The following NSUN6 variants were observed in gnomAD, a reference collection of about 807,000 sequenced individuals.
NSUN6 encodes NOP2/Sun RNA methyltransferase 6, also known as tRNA (cytosine(72)-C(5))-methyltransferase NSUN6.
In NSUN6, 64 loss-of-function variants were observed where a neutral mutation model predicts 58.0. The observed-to-expected ratio is 1.10, with a 90% CI of 0.90 to 1.36. NSUN6 has a LOEUF of 1.36. NSUN6 is among the 40% of genes most tolerant of loss of function. The pLI is 0.00. For synonymous variants in NSUN6, 231 were observed against 193.9 expected, an observed-to-expected ratio of 1.19 and a Z score of -1.59; for missense variants, 701 against 550.1, an observed-to-expected ratio of 1.27 and a Z score of -2.74.
chr10:18,619,881 G>C (rs11015184), intron 3 of NSUN6, among the ~76,000 whole-genome samples: 4,269 of 152,068 alleles, frequency 0.028, 194 homozygotes, highest in African/African-American at 0.097. Context: ...ACATGTCTGT[G>C]TGTGTGGTAT....
At chr10:18,589,651 C>A (rs2057304673) in intron 7 of NSUN6, among the ~76,000 whole-genome samples, 1 of 152,098 alleles carries the variant, frequency 6.6e-6, no homozygotes, top group South Asian at 2.1e-4. Context: ...TCACATCTAG[C>A]CAAATTAAGC....
intron 6 of NSUN6, among the ~76,000 whole-genome samples, chr10:18,601,878 G>A (rs941115487): frequency 2.6e-5 from 4 of 151,534 alleles, no homozygotes; most frequent in African/African-American, 9.7e-5. Flanking sequence ...GGAAGCTGAG[G>A]CAGGAGAACT....
chr10:18,596,548 T>C (rs1006789152), intron 6 of NSUN6, among the ~76,000 whole-genome samples: 7 of 152,264 alleles, frequency 4.6e-5, no homozygotes, highest in Middle Eastern at 3.4e-3. Flanking sequence ...CGCAAAAATA[T>C]ACATGACACA....
intron 5 of NSUN6, among the ~76,000 whole-genome samples, chr10:18,613,999 T>TA (rs1402106925): frequency 1.3e-5 from 2 of 152,172 alleles, no homozygotes; most frequent in Non-Finnish European, 2.9e-5. Flanking sequence ...TGAACAAACC[T>TA]AAACATTCAT....
rs745746962 is a variant in NSUN6, at chr10:18,548,175, G to A, written c.1134C>T (p.Ala378=). The A allele has an allele frequency of 5.0e-6, 8 of 1,613,518 alleles. No homozygotes were observed. The highest frequency in any genetic ancestry group is 1.7e-5 in the Admixed American group (1 of 59,934). The change falls in exon 10 of 11, where the codon GCC becomes GCT. Residue 378 remains alanine, a synonymous_variant. Coordinates refer to ENST00000377304, the MANE Select transcript of NSUN6 (RefSeq NM_182543.5). ...CCCAGGCAACCTGTTCTTCATTTTC[G>A]GCCAGTGTTATAGTGCACGTGCTAT... ...LVYSTCTITL[A]ENEEQVAWAL... is the part of the protein sequence containing the mutation.
At chr10:18,578,583 C>CA (rs2056770051) in intron 8 of NSUN6, among the ~76,000 whole-genome samples, 1 of 152,144 alleles carries the variant, frequency 6.6e-6, no homozygotes, top group African/African-American at 2.4e-5. Context: ...TACAGCCCCC[C>CA]AACATCAATT....
At chr10:18,631,138 A>G (rs1205333113) in intron 3 of NSUN6, among the ~76,000 whole-genome samples, 5 of 152,210 alleles carry the variant, frequency 3.3e-5, no homozygotes, top group African/African-American at 9.6e-5. Context: ...TATAAACAGA[A>G]CCAAAGACAA....
intron 7 of NSUN6, among the ~76,000 whole-genome samples, chr10:18,592,037 A>G (rs915222565): frequency 6.6e-6 from 1 of 152,212 alleles, no homozygotes; most frequent in African/African-American, 2.4e-5. Context: ...ATAAAAAATC[A>G]GTGTGCAAAA....
At chr10:18,628,025 A>G (rs1160518221) in intron 3 of NSUN6, among the ~76,000 whole-genome samples, 1 of 152,238 alleles carries the variant, frequency 6.6e-6, no homozygotes, top group African/African-American at 2.4e-5. Flanking sequence ...AGCTTTGAAG[A>G]GAGCAGTGGT....
At chr10:18,577,436 T>C (rs1424994887) in intron 8 of NSUN6, among the ~76,000 whole-genome samples, 2 of 152,070 alleles carry the variant, frequency 1.3e-5, no homozygotes, top group African/African-American at 4.8e-5. Flanking sequence ...CCGTAATGGG[T>C]GTACTTCTTC....
chr10:18,549,780 T>C (rs2054493411), intron 9 of NSUN6, among the ~76,000 whole-genome samples: 1 of 152,226 alleles, frequency 6.6e-6, no homozygotes, highest in Non-Finnish European at 1.5e-5. Context: ...AAAAATAGAG[T>C]ATACATACTT....
chr10:18,657,376 G>T (rs778962545), upstream of NSUN6, among the ~76,000 whole-genome samples: 13 of 152,206 alleles, frequency 8.5e-5, no homozygotes, highest in South Asian at 2.3e-3. Flanking sequence ...TAAGAAAGGT[G>T]TTAAAAGTAA....
chr10:18,642,687 G>A (rs555790047), intron 2 of NSUN6, 132 bp from the exon 3 acceptor site: 10 of 510,062 alleles, frequency 2.0e-5, no homozygotes, highest in East Asian at 6.1e-5. Context: ...CTTATTCCAC[G>A]GGATACTGTA....
At chr10:18,634,206 G>T in intron 3 of NSUN6, among the ~76,000 whole-genome samples, 1 of 152,052 alleles carries the variant, frequency 6.6e-6, no homozygotes, top group East Asian at 1.9e-4. Flanking sequence ...TATTTTCAGA[G>T]AAATTAAAGG....
intron 8 of NSUN6, among the ~76,000 whole-genome samples, chr10:18,552,956 T>C (rs2054704522): frequency 6.6e-6 from 1 of 151,272 alleles, no homozygotes; most frequent in African/African-American, 2.4e-5. Context: ...CAATTCTCCA[T>C]TACATTCCAT....
intron 7 of NSUN6, among the ~76,000 whole-genome samples, chr10:18,591,052 G>A (rs571908971): frequency 5.7e-4 from 87 of 152,198 alleles, no homozygotes; most frequent in African/African-American, 2.0e-3. Context: ...TGATAAAGGG[G>A]ATGTCACCAC....
chr10:18,554,750 G>C (rs2054859156), intron 8 of NSUN6, among the ~76,000 whole-genome samples: 3 of 151,474 alleles, frequency 2.0e-5, no homozygotes, highest in Non-Finnish European at 3.0e-5. Flanking sequence ...GAATGGAATG[G>C]AGAATGGAAT....
chr10:18,595,817 CT>C (rs2057562844), intron 7 of NSUN6, among the ~76,000 whole-genome samples: 1 of 151,914 alleles, frequency 6.6e-6, no homozygotes, highest in Non-Finnish European at 1.5e-5. Context: ...TATTATACAA[CT>C]ATGTTTATAT....
chr10:18,621,077 A>G (rs1252526964), intron 3 of NSUN6, among the ~76,000 whole-genome samples: 2 of 152,244 alleles, frequency 1.3e-5, no homozygotes, highest in Non-Finnish European at 2.9e-5. Context: ...ATTAACTGCT[A>G]AGAGTGGCTC....
Sources: gnomAD v4.1 joint callset for allele counts (sites outside exome capture counted in the v4.1 genomes callset) on GRCh38, gnomAD v4.1.1 for gene constraint, MANE v1.5 for transcripts, NCBI Gene and HGNC (gene_info 2026-07-23, HGNC 2026-07-21) for gene names.